Variants in STAG1 observed in about 807,000 individuals in gnomAD.
STAG1 encodes the protein cohesin subunit SA-1.
In STAG1, 26 loss-of-function variants were observed where a neutral mutation model predicts 170.9. The observed-to-expected ratio is 0.15, with a 90% confidence interval of 0.11 to 0.21. The LOEUF (loss-of-function observed/expected upper bound fraction) is 0.21, where lower values mean the gene tolerates loss of function less well. Ranked by LOEUF, STAG1 falls within the 10% of genes least tolerant of loss-of-function variation. STAG1 has a pLI of 1.00. For missense variants in STAG1, 964 were observed against 1,509.5 expected (o/e 0.64, Z 5.99); for synonymous variants, 514 against 497.7 (o/e 1.03, Z -0.44).
Position 136,349,235 on chromosome 3 carries a change from C to G in STAG1, c.3194G>C (p.Ser1065Thr). 3.1e-6 allele frequency: 5 copies of G among 1,614,134 alleles called. No individual in the cohort carries two copies. Among genetic ancestry groups the G allele is most frequent in the African/African-American group, 2.7e-5 (2 of 75,054 alleles). Residue 1065 changes from serine to threonine, a missense_variant, in exon 29 of 34, where the codon AGT (serine) becomes ACT (threonine). Physicochemically the swap from Ser to Thr is moderately conservative, Grantham distance 58. This residue lies in a region of STAG1 where 149 missense variants were observed against 301.3 expected (regional missense o/e 0.49). Coordinates refer to ENST00000383202, the MANE Select transcript of STAG1 (RefSeq NM_005862.3). Reference sequence around the variant, plus strand: ...TGAGGTTTTGCTGCTGCTACTTCCACTGTTCACAGACATTCTATCATCTTC... The same window carrying G: ...TGAGGTTTTGCTGCTGCTACTTCCAGTGTTCACAGACATTCTATCATCTTC... ...GGEDDRMSVN[S>T]GSSSSKTSSV...
intron 14 of STAG1, among the ~76,000 whole-genome samples, chr3:136,450,110 CAT>C (rs2088894967): frequency 6.6e-6 from 1 of 152,096 alleles, no homozygotes; most frequent in Non-Finnish European, 1.5e-5. Flanking sequence ...GTTTACTAGA[CAT>C]GTGATATTTA....
At chr3:136,616,500 C>G (rs1254072429) in intron 3 of STAG1, among the ~76,000 whole-genome samples, 2 of 152,176 alleles carry the variant, frequency 1.3e-5, no homozygotes, top group Admixed American at 1.3e-4. Flanking sequence ...AAAAAGAAGT[C>G]CAACTAATAT....
At chr3:136,591,597 A>G (rs1199473538) in intron 4 of STAG1, 4 of 410,558 alleles carry the variant, frequency 9.7e-6, no homozygotes, top group Admixed American at 8.5e-5. Context: ...GAAGCAAAGC[A>G]TATGTATTGG....
chr3:136,584,723 G>A (rs1008000578), intron 4 of STAG1, among the ~76,000 whole-genome samples: 1 of 152,220 alleles, frequency 6.6e-6, no homozygotes, highest in Non-Finnish European at 1.5e-5. Flanking sequence ...GCCTCTGAGT[G>A]ACAGGTGAAG....
At chr3:136,351,590 TG>T (rs1936435851) in intron 28 of STAG1, among the ~76,000 whole-genome samples, 1 of 152,034 alleles carries the variant, frequency 6.6e-6, no homozygotes, top group South Asian at 2.1e-4. Flanking sequence ...CTGGCAAAAG[TG>T]GTTTAAATAC....
At position 136,344,004 on chromosome 3, in the gene STAG1, C is replaced by A; in HGVS notation, c.3274G>T (p.Glu1092Ter). Residue 1092 changes from glutamate to a stop codon, truncating the protein, a stop_gained and splice_region_variant, in exon 30 of 34, where the codon GAG becomes TAG. Coordinates refer to ENST00000383202, the MANE Select transcript of STAG1 (RefSeq NM_005862.3). LOFTEE classifies it high-confidence loss of function. ...TTTAGCCATGTGTTATCCAGACTCT[C>A]ATCTGTAAAATTCCAGTTAAGGTCA... ...PPLHKKRVED[E>*]SLDNTWLNRT... is the part of the protein sequence containing the mutation. 6.4e-7 allele frequency: 1 copy of A among 1,570,468 alleles called. No homozygotes were observed. The highest frequency in any genetic ancestry group is 1.2e-5 in the South Asian group (1 of 83,450).
intron 4 of STAG1, among the ~76,000 whole-genome samples, chr3:136,585,146 T>C (rs568536169): frequency 4.9e-4 from 75 of 152,294 alleles, no homozygotes; most frequent in Non-Finnish European, 3.2e-4. Flanking sequence ...CTTACGTCTT[T>C]TAAATCAATT....
At chr3:136,433,691 A>G in intron 15 of STAG1, 32 bp from the exon 16 acceptor site, 1 of 1,441,614 alleles carries the variant, frequency 6.9e-7, no homozygotes, top group Non-Finnish European at 9.7e-7. Flanking sequence ...GAGCATGAGT[A>G]GACAGTTTTA....
chr3:136,624,961 CAT>C (rs2107832987), intron 2 of STAG1, among the ~76,000 whole-genome samples: 1 of 152,216 alleles, frequency 6.6e-6, no homozygotes, highest in East Asian at 1.9e-4. Flanking sequence ...TTTTATTTTT[CAT>C]ATGACATTTA....
At chr3:136,574,687 G>A (rs1937392060) in intron 4 of STAG1, among the ~76,000 whole-genome samples, 1 of 152,054 alleles carries the variant, frequency 6.6e-6, no homozygotes, top group Admixed American at 6.5e-5. Context: ...AATACATAAA[G>A]CAAAGATTGA....
chr3:136,487,558 T>C (rs1405420445), intron 9 of STAG1, among the ~76,000 whole-genome samples: 1 of 152,216 alleles, frequency 6.6e-6, no homozygotes, highest in African/African-American at 2.4e-5. Flanking sequence ...GCCTATTCTG[T>C]AGCTATAAAA....
At chr3:136,478,971 G>A (rs889026090) in intron 9 of STAG1, among the ~76,000 whole-genome samples, 1 of 150,404 alleles carries the variant, frequency 6.6e-6, no homozygotes, top group Non-Finnish European at 1.5e-5. Flanking sequence ...GTTACTATGA[G>A]AATAAAATCA....
intron 29 of STAG1, among the ~76,000 whole-genome samples, chr3:136,344,721 C>A (rs1936146471): frequency 6.6e-6 from 1 of 152,062 alleles, no homozygotes; most frequent in South Asian, 2.1e-4. Context: ...TCAAGCGATT[C>A]TCCTGACTCA....
intron 5 of STAG1, among the ~76,000 whole-genome samples, chr3:136,548,832 G>C (rs925364000): frequency 1.3e-5 from 2 of 152,110 alleles, no homozygotes; most frequent in African/African-American, 4.8e-5. Context: ...TTGGATCATG[G>C]GGATGGATTT....
chr3:136,591,253 A>C (rs1319716731), intron 4 of STAG1, among the ~76,000 whole-genome samples: 1 of 130,542 alleles, frequency 7.7e-6, no homozygotes. Flanking sequence ...GGGAGGGAGG[A>C]AGGGAGGAGG....
At chr3:136,601,203 C>G (rs1321635177) in intron 4 of STAG1, among the ~76,000 whole-genome samples, 1 of 151,940 alleles carries the variant, frequency 6.6e-6, no homozygotes, top group Non-Finnish European at 1.5e-5. Flanking sequence ...GGAAACAGTT[C>G]AAATAAAATC....
intron 23 of STAG1, among the ~76,000 whole-genome samples, chr3:136,371,569 C>T (rs539103955): frequency 1.3e-5 from 2 of 152,350 alleles, no homozygotes; most frequent in African/African-American, 4.8e-5. Flanking sequence ...CAGCTTTCTA[C>T]ATATGGCTAG....
chr3:136,659,265 G>A (rs1941495791), intron 1 of STAG1, among the ~76,000 whole-genome samples: 1 of 152,194 alleles, frequency 6.6e-6, no homozygotes, highest in Non-Finnish European at 1.5e-5. Context: ...CTGTCTCACT[G>A]TCATTATTCA....
At chr3:136,565,936 T>C (rs1937060637) in intron 5 of STAG1, among the ~76,000 whole-genome samples, 1 of 152,104 alleles carries the variant, frequency 6.6e-6, no homozygotes, top group Non-Finnish European at 1.5e-5. Context: ...GAAGGTGACA[T>C]ATGGTGTGGT....
Sources: gnomAD v4.1 joint callset for allele counts (sites outside exome capture counted in the v4.1 genomes callset) on GRCh38, gnomAD v4.1.1 for gene constraint, gnomAD v4.1.1 regional missense constraint, MANE v1.5 for transcripts, NCBI Gene and HGNC (gene_info 2026-07-23, HGNC 2026-07-21) for gene names.